ACACB: variants seen among roughly 807,000 people sequenced by gnomAD.
ACACB encodes acetyl-CoA carboxylase beta.
ACACB carries 209 observed loss-of-function variants against 278.8 expected under a neutral mutation model. That is an observed-to-expected ratio of 0.75 (90% confidence interval 0.67 to 0.84). The LOEUF is 0.84. ACACB is among the 40% of genes least tolerant of loss of function. The pLI is 0.00. For missense variants in ACACB, 2,850 were observed against 3,269.0 expected, an observed-to-expected ratio of 0.87 and a Z score of 3.13; for synonymous variants, 1,174 against 1,285.6, an observed-to-expected ratio of 0.91 and a Z score of 1.86.
chr12:109,263,991 G>C, intron 49 of ACACB: 4 of 496,230 alleles, frequency 8.1e-6, no homozygotes, highest in Non-Finnish European at 1.4e-5. Context: ...CTGAGACAAA[G>C]GGGGCCATCA....
At chr12:109,179,400 G>C in intron 10 of ACACB, 103 bp downstream of exon 10, 1 of 1,264,822 alleles carries the variant, frequency 7.9e-7, no homozygotes, top group Non-Finnish European at 1.1e-6. Flanking sequence ...TGGCATGGGT[G>C]CCTAACAAGA....
intron 44 of ACACB, among the ~76,000 whole-genome samples, chr12:109,254,937 G>C (rs1312060615): frequency 6.6e-6 from 1 of 152,090 alleles, no homozygotes; most frequent in Non-Finnish European, 1.5e-5. Context: ...ACCACACCCA[G>C]CTAATTTTTG....
intron 1 of ACACB, among the ~76,000 whole-genome samples, chr12:109,121,100 C>T (rs932995653): frequency 5.3e-5 from 8 of 152,024 alleles, no homozygotes; most frequent in Admixed American, 1.3e-4. Context: ...TCACCACACT[C>T]GGCTAATTTT....
chr12:109,266,149 G>A lies in ACACB; in HGVS notation c.7251-87G>A, dbSNP rs945182792. 5.3e-6 allele frequency: 8 copies of A among 1,506,914 alleles called. No individual in the cohort carries two copies. In the African/African-American group the frequency reaches 7.0e-5, roughly 13 times the overall value. 93.3% of individuals were successfully genotyped at this position (1,506,914 alleles called of 1,614,324 possible). ...ACTCGGGAGCTCTGGGTTCTGGGGT[G>A]TGGCCCCACACAAGGACTCTGCCAC... On this transcript the variant is annotated intron_variant, in intron 52 of 52. Coordinates refer to ENST00000338432, the MANE Select transcript of ACACB (RefSeq NM_001093.4).
chr12:109,162,079 T>A (rs2043746069), intron 2 of ACACB, among the ~76,000 whole-genome samples: 1 of 151,590 alleles, frequency 6.6e-6, no homozygotes, highest in Non-Finnish European at 1.5e-5. Context: ...CGGGTTCAAG[T>A]GATTTTTGTG....
At chr12:109,246,837 G>C (rs1418841088) in intron 39 of ACACB, among the ~76,000 whole-genome samples, 1 of 152,178 alleles carries the variant, frequency 6.6e-6, no homozygotes, top group Non-Finnish European at 1.5e-5. Context: ...GGAGGCTTGG[G>C]TGGGAGGATA....
At chr12:109,210,549 A>G (rs768318506) in intron 21 of ACACB, among the ~76,000 whole-genome samples, 19 of 148,676 alleles carry the variant, frequency 1.3e-4, no homozygotes, top group East Asian at 7.9e-4. Flanking sequence ...ACGTGCATGT[A>G]TATATACATA....
chr12:109,241,311 A>G, intron 36 of ACACB, 30 bp downstream of exon 36: 1 of 1,602,818 alleles, frequency 6.2e-7, no homozygotes, highest in Non-Finnish European at 8.5e-7. Flanking sequence ...TGGGGGTCTA[A>G]GTCAAAGCAG....
At chr12:109,151,951 T>C (rs901821418) in intron 2 of ACACB, among the ~76,000 whole-genome samples, 16 of 152,256 alleles carry the variant, frequency 1.1e-4, no homozygotes, top group African/African-American at 3.6e-4. Flanking sequence ...CTGAATATTA[T>C]TCATTTCTTT....
intron 1 of ACACB, among the ~76,000 whole-genome samples, chr12:109,133,857 ATATATATTTTT>A (rs1256240180): frequency 2.0e-5 from 1 of 49,058 alleles, no homozygotes; most frequent in African/African-American, 9.7e-5. Context: ...ATATATATAT[ATATATATTTTT>A]TTTTTTTTTT....
Position 109,245,608 on chromosome 12 carries a change from T to C in ACACB, c.5179-18T>C. On this transcript the variant is annotated intron_variant, in intron 37 of 52. Coordinates refer to ENST00000338432, the MANE Select transcript of ACACB (RefSeq NM_001093.4). ...ACTGATGACTTCAAGTTTTTTCTCTTTCCTCTTCTCTCCCCAGGCTCTCTT... is the reference window on the plus strand; with the variant it reads ...ACTGATGACTTCAAGTTTTTTCTCTCTCCTCTTCTCTCCCCAGGCTCTCTT... 6.2e-7 allele frequency: 1 copy of C among 1,610,048 alleles called. No individual in the cohort carries two copies. The highest frequency in any genetic ancestry group is 8.5e-7 in the Non-Finnish European group (1 of 1,178,790).
At position 109,174,118 on chromosome 12, in the gene ACACB, C is replaced by T. The variant is rs1317545060; in HGVS notation, c.1118-14C>T. The T allele has an allele frequency of 6.2e-7, 1 of 1,602,302 alleles. No individual in the cohort carries two copies. Among genetic ancestry groups the T allele is most frequent in the Non-Finnish European group, 8.5e-7 (1 of 1,174,500 alleles). ...GACCGGATTCTGCTTCCCTTCTTGT[C>T]CCCGATTCCTCAGGCCCTCCCAGTG... On this transcript the variant is annotated splice_polypyrimidine_tract_variant and intron_variant, in intron 6 of 52. Coordinates refer to ENST00000338432, the MANE Select transcript of ACACB (RefSeq NM_001093.4).
rs144520667 is a variant in ACACB, at chr12:109,265,500, G to A, written c.7225G>A (p.Asp2409Asn). Residue 2409 changes from aspartate to asparagine, a missense_variant, in exon 52 of 53, where the codon GAC (aspartate) becomes AAC (asparagine). Coordinates refer to ENST00000338432, the MANE Select transcript of ACACB (RefSeq NM_001093.4). Reference sequence around the variant, plus strand: ...TGAGAACATCACGTACCTGAAGCACGACTCTGTCCTCAAGACCATCCGAGG... The same window carrying A: ...TGAGAACATCACGTACCTGAAGCACAACTCTGTCCTCAAGACCATCCGAGG... ...IRENITYLKH[D>N]SVLKTIRGLV... The A allele has an allele frequency of 4.6e-4, 736 of 1,613,742 alleles. No individual in the cohort carries two copies. The highest frequency in any genetic ancestry group is 3.4e-3 in the African/African-American group (255 of 75,034).
At chr12:109,259,155 C>G in intron 47 of ACACB, 47 bp downstream of exon 47, 3 of 1,602,646 alleles carry the variant, frequency 1.9e-6, no homozygotes, top group Non-Finnish European at 2.6e-6. Flanking sequence ...GGGGTCAGCA[C>G]CCAGGACAGC....
rs1244959828 is a variant in ACACB at position 109,232,753 on chromosome 12, G to A, written c.4086G>A (p.Leu1362=). Residue 1362 remains leucine, a synonymous_variant, in exon 29 of 53, where the codon CTG becomes CTA. Coordinates refer to ENST00000338432, the MANE Select transcript of ACACB (RefSeq NM_001093.4). ...ELFMDSGFSP[L]CQRMGAMVAF... is the part of the protein sequence containing the mutation. ...TCATGGACAGCGGCTTCTCCCCACT[G>A]TGCCAGCGCATGGGAGCCATGGTAG... is the stretch of plus-strand genomic sequence containing the variant. The A allele has an allele frequency of 6.2e-7, 1 of 1,614,132 alleles. No homozygotes were observed. Among genetic ancestry groups the A allele is most frequent in the Non-Finnish European group, 8.5e-7 (1 of 1,180,030 alleles).
rs76417010 is a variant in ACACB at position 109,149,640 on chromosome 12, G to T, written c.653+9582G>T. ...TCTCCCTGGTAAATGACCACAGATA[G>T]TCTGGGTTCTAGGCAAGAGAGAGGA... On this transcript the variant is annotated intron_variant, in intron 2 of 52. Transcript: ENST00000338432. Among the ~76,000 whole-genome samples the T allele has an allele frequency of 1.7e-3, 266 of 152,310 alleles. 5 individuals carry two copies. The East Asian group carries it at 0.044, about 25-fold the overall frequency.
rs530890401 is a variant in ACACB at position 109,259,178 on chromosome 12, G to T, written c.6496+70G>T. 5 of 1,542,148 alleles carry T rather than the reference G, an allele frequency of 3.2e-6. No individual in the cohort carries two copies. In the Admixed American group the frequency reaches 9.0e-5, roughly 28 times the overall value. On this transcript the variant is annotated intron_variant, in intron 47 of 52. Transcript: ENST00000338432. ...CACCCAGGACAGCACCCTCTGGGTG[G>T]TGATGCTAATGTCCTAGTCTGTGCC...
At chr12:109,247,894 T>C (rs1382680403) in intron 40 of ACACB, among the ~76,000 whole-genome samples, 191 bp downstream of exon 40, 1 of 152,242 alleles carries the variant, frequency 6.6e-6, no homozygotes, top group Non-Finnish European at 1.5e-5. Flanking sequence ...CTTGTCATTC[T>C]AAAATGAGTG....
Position 109,122,185 on chromosome 12 carries a change from GT to G in ACACB, c.-10+5484del, listed in dbSNP as rs2042563789. Among the ~76,000 whole-genome samples, 3 of 152,274 alleles carry G rather than the reference GT, an allele frequency of 2.0e-5. No individual in the cohort carries two copies. In the South Asian group the frequency reaches 6.2e-4, roughly 32 times the overall value. ...GCAATCATTGAAAAGGTGAAATTCA[GT>G]TTATCTGCTTACTACCCGGGTGAGT... is the stretch of plus-strand genomic sequence containing the variant. On this transcript the variant is annotated intron_variant, in intron 1 of 52. Transcript: ENST00000338432.
Sources: gnomAD v4.1 joint callset for allele counts (sites outside exome capture counted in the v4.1 genomes callset) on GRCh38, gnomAD v4.1.1 for gene constraint, MANE v1.5 for transcripts, NCBI Gene and HGNC (gene_info 2026-07-23, HGNC 2026-07-21) for gene names.